The following IQCM variants were observed in gnomAD, a reference collection of about 807,000 sequenced individuals.
IQCM encodes IQ motif containing M, also known as IQ domain-containing protein M.
In IQCM, 45 loss-of-function variants were observed where a neutral mutation model predicts 57.6. The observed-to-expected ratio is 0.78, with a 90% CI of 0.62 to 1.00. The LOEUF (loss-of-function observed/expected upper bound fraction) is 1.00, where lower values mean the gene tolerates loss of function less well. IQCM is among the 50% of genes least tolerant of loss of function. The pLI is 0.00. For synonymous variants in IQCM, 148 were observed against 158.9 expected (o/e 0.93, Z 0.51); for missense variants, 468 against 511.6 (o/e 0.91, Z 0.82).
intron 2 of IQCM, among the ~76,000 whole-genome samples, chr4:149,745,097 C>T (rs1167452904): frequency 6.6e-6 from 1 of 152,084 alleles, no homozygotes; most frequent in Non-Finnish European, 1.5e-5. Context: ...CCCTGTGGTA[C>T]TGAATACCAG....
chr4:149,476,848 G>T (rs763170493), intron 12 of IQCM, among the ~76,000 whole-genome samples: 1 of 152,108 alleles, frequency 6.6e-6, no homozygotes, highest in African/African-American at 2.4e-5. Flanking sequence ...TCAGATCAGT[G>T]GCACTGAGTC....
At chr4:149,415,906 G>T (rs1733713881) in intron 13 of IQCM, among the ~76,000 whole-genome samples, 1 of 152,054 alleles carries the variant, frequency 6.6e-6, no homozygotes, top group Non-Finnish European at 1.5e-5. Flanking sequence ...CTGTCGTGGG[G>T]TGGAGGGAGG....
At chr4:149,637,416 G>A (rs1356573362) in intron 7 of IQCM, among the ~76,000 whole-genome samples, 2 of 152,080 alleles carry the variant, frequency 1.3e-5, no homozygotes, top group African/African-American at 2.4e-5. Context: ...CTATGCTCAT[G>A]GATTGAAGAC....
rs181015880 is a variant in IQCM, at chr4:149,391,544, T to C, written c.1391-39478A>G. Among the ~76,000 whole-genome samples, 425 of 152,040 alleles carry C rather than the reference T, an allele frequency of 2.8e-3. 6 individuals carry two copies. The highest frequency in any genetic ancestry group is 9.7e-3 in the African/African-American group (403 of 41,550). On this transcript the variant is annotated intron_variant, in intron 13 of 13. Transcript: ENST00000636793. ...TCCTTTCTTCTTCTTGCTTTGAGTATAGTTTGCTCTTCTACTTCTGGATTC... is the reference window on the plus strand; with the variant it reads ...TCCTTTCTTCTTCTTGCTTTGAGTACAGTTTGCTCTTCTACTTCTGGATTC...
chr4:149,437,946 C>T lies in IQCM; in HGVS notation c.1229-4389G>A, dbSNP rs536610930. 2.8e-4 allele frequency among the ~76,000 whole-genome samples: 42 copies of T among 152,082 alleles called. No homozygotes were observed. In the Middle Eastern group the frequency reaches 0.01, roughly 37 times the overall value. ...AGTTTCAAGTTCTTTCTAACGTACC[C>T]GCCCCTTCACACAAATGCCAGCCCA... On this transcript the variant is annotated intron_variant, in intron 12 of 13. Transcript: ENST00000636793.
At chr4:149,782,142 G>C (rs979470782) in intron 2 of IQCM, among the ~76,000 whole-genome samples, 1 of 152,014 alleles carries the variant, frequency 6.6e-6, no homozygotes, top group Non-Finnish European at 1.5e-5. Context: ...TATAAATTCA[G>C]TGGAAAATGA....
At chr4:149,478,676 C>A (rs373490725) in intron 12 of IQCM, among the ~76,000 whole-genome samples, 3 of 152,044 alleles carry the variant, frequency 2.0e-5, no homozygotes, top group African/African-American at 7.2e-5. Context: ...AGCACTGTAG[C>A]CTTAAGCTTT....
chr4:149,400,810 A>G (rs1732568542), intron 13 of IQCM, among the ~76,000 whole-genome samples: 1 of 151,984 alleles, frequency 6.6e-6, no homozygotes, highest in Non-Finnish European at 1.5e-5. Context: ...AGAAGCACTC[A>G]ATAATTTTTA....
intron 5 of IQCM, among the ~76,000 whole-genome samples, chr4:149,707,091 T>C (rs887512204): frequency 2.0e-5 from 3 of 151,976 alleles, no homozygotes; most frequent in African/African-American, 7.2e-5. Context: ...TCCTGAAATG[T>C]AGAGAGCAAT....
chr4:149,374,848 G>C (rs543340425), intron 13 of IQCM, among the ~76,000 whole-genome samples: 3 of 152,018 alleles, frequency 2.0e-5, no homozygotes, highest in African/African-American at 7.2e-5. Context: ...CAAAAAAGGA[G>C]TTTAGGTGCT....
At chr4:149,409,272 T>A (rs1578961684) in intron 13 of IQCM, among the ~76,000 whole-genome samples, 1 of 152,334 alleles carries the variant, frequency 6.6e-6, no homozygotes, top group South Asian at 2.1e-4. Flanking sequence ...ATGTGTGAAT[T>A]GACAGACTGA....
intron 13 of IQCM, among the ~76,000 whole-genome samples, chr4:149,399,843 A>C (rs1732488715): frequency 6.6e-6 from 1 of 152,098 alleles, no homozygotes; most frequent in African/African-American, 2.4e-5. Flanking sequence ...ACAGTGCCTA[A>C]ATCGTAGCAA....
chr4:149,729,432 A>G (rs191599355), intron 5 of IQCM, among the ~76,000 whole-genome samples: 1 of 152,004 alleles, frequency 6.6e-6, no homozygotes. Context: ...TCTGCCTGAC[A>G]ATAACCACAC....
At chr4:149,426,147 A>G (rs1310594221) in intron 13 of IQCM, among the ~76,000 whole-genome samples, 1 of 151,948 alleles carries the variant, frequency 6.6e-6, no homozygotes, top group African/African-American at 2.4e-5. Flanking sequence ...AGTCCATTAT[A>G]TTTCTATAAT....
At chr4:149,652,090 GTACA>G (rs1355235829) in intron 7 of IQCM, among the ~76,000 whole-genome samples, 1 of 152,036 alleles carries the variant, frequency 6.6e-6, no homozygotes, top group East Asian at 1.9e-4. Context: ...AGAAAATGTG[GTACA>G]TATACACCAT....
intron 13 of IQCM, among the ~76,000 whole-genome samples, chr4:149,431,020 G>A (rs560086852): frequency 1.3e-5 from 2 of 151,866 alleles, no homozygotes; most frequent in Admixed American, 1.3e-4. Flanking sequence ...GGCCAACATG[G>A]TAAAACCCCA....
chr4:149,448,939 T>A (rs1447819316), intron 12 of IQCM, among the ~76,000 whole-genome samples: 1 of 151,706 alleles, frequency 6.6e-6, no homozygotes, highest in East Asian at 1.9e-4. Context: ...CTCAAAGATA[T>A]TTGAATAGGA....
chr4:149,390,417 G>GC (rs955380767), intron 13 of IQCM, among the ~76,000 whole-genome samples: 60 of 149,550 alleles, frequency 4.0e-4, no homozygotes, highest in Admixed American at 5.3e-4. Flanking sequence ...ATATCTAGAT[G>GC]CTTTTTTTTT....
intron 13 of IQCM, among the ~76,000 whole-genome samples, chr4:149,419,889 A>G (rs1734007198): frequency 6.6e-6 from 1 of 152,178 alleles, no homozygotes; most frequent in African/African-American, 2.4e-5. Context: ...ACATATGAAA[A>G]GAAAATCAAC....
Sources: gnomAD v4.1 joint callset for allele counts (sites outside exome capture counted in the v4.1 genomes callset) on GRCh38, gnomAD v4.1.1 for gene constraint, MANE v1.5 for transcripts, NCBI Gene and HGNC (gene_info 2026-07-23, HGNC 2026-07-21) for gene names.